CDCA7L: variants seen among roughly 807,000 people sequenced by gnomAD.
CDCA7L encodes cell division cycle-associated 7-like protein.
Under a neutral mutation model 57.4 loss-of-function variants are expected in CDCA7L, and 44 were observed. The ratio of observed to expected loss-of-function variants is 0.77; its 90% CI spans 0.60 to 0.98. The LOEUF (loss-of-function observed/expected upper bound fraction) is 0.98. CDCA7L is among the 50% of genes least tolerant of loss of function. CDCA7L has a pLI of 0.00. For missense variants in CDCA7L, 644 were observed against 580.6 expected (o/e 1.11, Z -1.12); for synonymous variants, 236 against 202.8 (o/e 1.16, Z -1.39).
chr7:21,925,112 A>C (rs918795701), intron 1 of CDCA7L, among the ~76,000 whole-genome samples: 9 of 152,096 alleles, frequency 5.9e-5, no homozygotes, highest in Non-Finnish European at 8.8e-5. Context: ...AACAAACAAA[A>C]AAAGGTAGGG....
intron 1 of CDCA7L, among the ~76,000 whole-genome samples, chr7:21,928,713 G>C (rs1025250910): frequency 6.6e-6 from 1 of 151,500 alleles, no homozygotes; most frequent in African/African-American, 2.4e-5. Flanking sequence ...AGAGACTGAA[G>C]ATCAACTTAA....
chr7:21,903,859 G>A (rs1472183562), intron 8 of CDCA7L: 1 of 376,652 alleles, frequency 2.7e-6, no homozygotes, highest in Non-Finnish European at 4.7e-6. Flanking sequence ...TAAAACTAGA[G>A]GACTGTAAGC....
intron 8 of CDCA7L, 64 bp from the exon 9 acceptor site, chr7:21,903,178 T>TCGGATCCAGAATG: frequency 6.5e-7 from 1 of 1,534,156 alleles, no homozygotes; most frequent in Non-Finnish European, 8.8e-7. Flanking sequence ...GAACTGGGAT[T>TCGGATCCAGAATG]CGGATCCAGA....
Position 21,901,387 on chromosome 7 carries a change from T to C in CDCA7L, c.*935A>G. 1 of 1,271,692 alleles carries C rather than the reference T, an allele frequency of 7.9e-7. No individual in the cohort carries two copies. The highest frequency in any genetic ancestry group is 2.4e-5 in the South Asian group (1 of 40,902). The allele number at this position is 1,271,692 out of a possible 1,614,324, so 78.8% of individuals were successfully genotyped here. A position where few individuals can be genotyped will look rare whatever the true frequency, so the allele number is the denominator to read the frequency against. The stretch of plus-strand genomic sequence containing the variant: ...GTGCATTCTTTTTTCAACGCTATCC[T>C]TAGAGTGAAAGTCAGAAAAAAATAC... On this transcript the variant is annotated 3_prime_UTR_variant, in exon 10 of 10. Transcript: ENST00000406877.
In CDCA7L at chr7:21,908,433, ATCTTCT is replaced by A. The variant is rs750316250; in HGVS notation, c.372_377del (p.Glu124_Glu125del). 4 of 1,579,548 alleles carry A rather than the reference ATCTTCT, an allele frequency of 2.5e-6. No homozygotes were observed. The highest frequency in any genetic ancestry group is 2.8e-5 in the African/African-American group (2 of 72,572). The stretch of plus-strand genomic sequence containing the variant: ...ACCTGCTTCTTCTAGGGGTAGCCTT[ATCTTCT>A]TCTTCATCTTCCTCTTCCTCGCTCA... On this transcript the variant is annotated inframe_deletion, in exon 4 of 10. Coordinates refer to ENST00000406877, the MANE Select transcript of CDCA7L (RefSeq NM_018719.5).
chr7:21,919,930 T>C (rs969447856), intron 1 of CDCA7L, among the ~76,000 whole-genome samples: 4 of 152,234 alleles, frequency 2.6e-5, no homozygotes, highest in Admixed American at 6.5e-5. Context: ...TATGCAAAAA[T>C]GTTTCACATG....
chr7:21,928,850 G>A (rs57423234), intron 1 of CDCA7L, among the ~76,000 whole-genome samples: 29,549 of 151,958 alleles, frequency 0.19, 3,636 homozygotes, highest in East Asian at 0.5. Context: ...TCAAAGTGAC[G>A]AGGAGAATGG....
intron 1 of CDCA7L, among the ~76,000 whole-genome samples, chr7:21,935,603 A>C (rs1304828609): frequency 6.6e-6 from 1 of 151,988 alleles, no homozygotes; most frequent in African/African-American, 2.4e-5. Context: ...TCTTTGAAAA[A>C]AAAAATCAAC....
At chr7:21,923,495 T>TAAAAGAGA (rs1362515494) in intron 1 of CDCA7L, among the ~76,000 whole-genome samples, 1 of 152,048 alleles carries the variant, frequency 6.6e-6, no homozygotes. Context: ...ACCCTGTCTC[T>TAAAAGAGA]AAAAGAGAAA....
rs1562624878 is a variant in CDCA7L, at chr7:21,911,765, GAC to G, written c.166-13_166-12del. Reference sequence around the variant, plus strand: ...AAAGCGCACATCCTGCTAAATTAAAGACACACATACATCAGAGACGGAAAGTA... The same window carrying G: ...AAAGCGCACATCCTGCTAAATTAAAGACACATACATCAGAGACGGAAAGTA... On this transcript the variant is annotated splice_polypyrimidine_tract_variant and intron_variant, in intron 2 of 9. Coordinates refer to ENST00000406877, the MANE Select transcript of CDCA7L (RefSeq NM_018719.5). 2 of 1,610,324 alleles carry G rather than the reference GAC, an allele frequency of 1.2e-6. No individual in the cohort carries two copies. Among genetic ancestry groups the G allele is most frequent in the Non-Finnish European group, 1.7e-6 (2 of 1,178,900 alleles).
chr7:21,916,664 C>T, intron 2 of CDCA7L, 90 bp downstream of exon 2: 1 of 1,189,208 alleles, frequency 8.4e-7, no homozygotes, highest in South Asian at 1.4e-5. Context: ...CTGATATCAC[C>T]AATCTCACAC....
chr7:21,921,342 CA>C (rs5882833), intron 1 of CDCA7L, among the ~76,000 whole-genome samples: 12 of 121,972 alleles, frequency 9.8e-5, no homozygotes, highest in African/African-American at 3.8e-4. Context: ...CAAGATTTGC[CA>C]AAAAAAAAAA....
At chr7:21,913,081 G>A (rs893667694) in intron 2 of CDCA7L, among the ~76,000 whole-genome samples, 1 of 152,030 alleles carries the variant, frequency 6.6e-6, no homozygotes, top group Non-Finnish European at 1.5e-5. Flanking sequence ...CACACTTGGC[G>A]GGGAATCTGT....
In CDCA7L at chr7:21,908,168, G is replaced by C. The variant is rs767651522; in HGVS notation, c.643C>G (p.Leu215Val). 6.3e-7 allele frequency: 1 copy of C among 1,581,372 alleles called. No homozygotes were observed. The highest frequency in any genetic ancestry group is 8.5e-7 in the Non-Finnish European group (1 of 1,171,692). ...DESQESSDAL[L>V]KRTMNIKENK... ...TCCTTGATGTTCATGGTCCTTTTCA[G>C]CAAAGCATCTGAACTCTCCTGGCTC... is the stretch of plus-strand genomic sequence containing the variant. The change falls in exon 4 of 10, where the codon CTG (leucine) becomes GTG (valine). Residue 215 changes from leucine (L) to valine (V), a missense_variant. Physicochemically the swap from Leu to Val is conservative, Grantham distance 32. Coordinates refer to ENST00000406877, the MANE Select transcript of CDCA7L (RefSeq NM_018719.5).
At chr7:21,945,749 G>A in intron 1 of CDCA7L, 32 bp downstream of exon 1, 2 of 1,600,498 alleles carry the variant, frequency 1.2e-6, no homozygotes, top group South Asian at 2.2e-5. Context: ...CTGTGGGTGC[G>A]TCCGGACGGC....
intron 2 of CDCA7L, among the ~76,000 whole-genome samples, chr7:21,915,344 GA>G (rs565914926): frequency 1.3e-5 from 2 of 152,174 alleles, no homozygotes; most frequent in Non-Finnish European, 2.9e-5. Flanking sequence ...CTGGTAGTCA[GA>G]AACCACCTGG....
rs538591859 is a variant in CDCA7L, at chr7:21,941,031, A to G, written c.24+4750T>C. Among the ~76,000 whole-genome samples, 122 of 152,284 alleles carry G rather than the reference A, an allele frequency of 8.0e-4. 1 individual carries two copies. The highest frequency in any genetic ancestry group is 1.4e-3 in the Non-Finnish European group (92 of 68,014). ...TTCTTTCAGCTAATATAGCGCAACA[A>G]AAGGGGAAATGCCCTAGGAAAACAA... On this transcript the variant is annotated intron_variant, in intron 1 of 9. Coordinates refer to ENST00000406877, the MANE Select transcript of CDCA7L (RefSeq NM_018719.5).
At chr7:21,934,668 A>G (rs1237281396) in intron 1 of CDCA7L, among the ~76,000 whole-genome samples, 1 of 152,200 alleles carries the variant, frequency 6.6e-6, no homozygotes, top group African/African-American at 2.4e-5. Flanking sequence ...ACTCTACACT[A>G]TCTACAACAG....
chr7:21,941,698 G>C (rs1786344841), intron 1 of CDCA7L, among the ~76,000 whole-genome samples: 1 of 152,200 alleles, frequency 6.6e-6, no homozygotes, highest in Admixed American at 6.5e-5. Context: ...CCAAGGCCCG[G>C]TGATTCCAGC....
Sources: gnomAD v4.1 joint callset for allele counts (sites outside exome capture counted in the v4.1 genomes callset) on GRCh38, gnomAD v4.1.1 for gene constraint, MANE v1.5 for transcripts, NCBI Gene and HGNC (gene_info 2026-07-23, HGNC 2026-07-21) for gene names.